ITGB3BP: variants seen among roughly 807,000 people sequenced by gnomAD.
ITGB3BP encodes integrin subunit beta 3 binding protein, also known as centromere protein R.
In ITGB3BP, 27 loss-of-function variants were observed where a neutral mutation model predicts 29.1. That is an observed-to-expected ratio of 0.93 (90% confidence interval 0.68 to 1.28). ITGB3BP has a LOEUF of 1.28. Among genes scored for constraint, ITGB3BP ranks in the 50% most tolerant of loss-of-function variants. The pLI, the probability that ITGB3BP is intolerant of heterozygous loss-of-function variation, is 0.00. For synonymous variants in ITGB3BP, 61 were observed against 61.4 expected, an observed-to-expected ratio of 0.99 and a Z score of 0.03; for missense variants, 192 against 200.2, an observed-to-expected ratio of 0.96 and a Z score of 0.25.
At chr1:63,474,314 G>A in intron 4 of ITGB3BP, among the ~76,000 whole-genome samples, 1 of 147,348 alleles carries the variant, frequency 6.8e-6, no homozygotes. Flanking sequence ...CCATCCGGGA[G>A]GTGAGGGGCG....
intron 8 of ITGB3BP, chr1:63,442,844 A>G (rs1485058592): frequency 6.6e-6 from 1 of 152,194 alleles, no homozygotes; most frequent in Non-Finnish European, 1.5e-5. Context: ...CGCTTTGTTC[A>G]TACTAAGCCT....
At chr1:63,502,366 T>C (rs1263859570) in intron 2 of ITGB3BP, among the ~76,000 whole-genome samples, 1 of 152,106 alleles carries the variant, frequency 6.6e-6, no homozygotes, top group Non-Finnish European at 1.5e-5. Flanking sequence ...TATCTCTGCT[T>C]CCCTCATTAG....
intron 1 of ITGB3BP, among the ~76,000 whole-genome samples, chr1:63,520,277 T>C (rs534254742): frequency 6.6e-6 from 1 of 152,290 alleles, no homozygotes; most frequent in Non-Finnish European, 1.5e-5. Context: ...AGTAACAATC[T>C]AAGGAGCACA....
chr1:63,490,287 A>G, intron 2 of ITGB3BP, 69 bp from the exon 3 acceptor site: 3 of 1,160,942 alleles, frequency 2.6e-6, no homozygotes, highest in East Asian at 2.5e-5. Context: ...ATTATATACC[A>G]TTAAAAAATC....
At chr1:63,505,592 A>C (rs575698012) in intron 2 of ITGB3BP, among the ~76,000 whole-genome samples, 32 of 151,942 alleles carry the variant, frequency 2.1e-4, no homozygotes, top group Admixed American at 1.7e-3. Flanking sequence ...TAGTTCTTTT[A>C]ATTGTGATGT....
At chr1:63,483,365 G>A (rs1645473238) in intron 3 of ITGB3BP, among the ~76,000 whole-genome samples, 1 of 151,742 alleles carries the variant, frequency 6.6e-6, no homozygotes, top group African/African-American at 2.4e-5. Context: ...TTAGCATTTG[G>A]CCCACACCTC....
In ITGB3BP at chr1:63,504,191, A is replaced by G. The variant is rs1271324639; in HGVS notation, c.48+4337T>C. Reference sequence around the variant, plus strand: ...CTTTGTATCCTCTTTTATTTCATTGAGCAGTGGTTTGTAGTTCTCCTTAAA... The same window carrying G: ...CTTTGTATCCTCTTTTATTTCATTGGGCAGTGGTTTGTAGTTCTCCTTAAA... On this transcript the variant is annotated intron_variant, in intron 2 of 8. Transcript: ENST00000271002. 2.6e-5 allele frequency among the ~76,000 whole-genome samples: 4 copies of G among 151,868 alleles called. No individual in the cohort carries two copies. The Middle Eastern group carries it at 0.01, about 387-fold the overall frequency.
intron 4 of ITGB3BP, among the ~76,000 whole-genome samples, chr1:63,455,810 T>C (rs1404515328): frequency 6.6e-6 from 1 of 152,162 alleles, no homozygotes; most frequent in African/African-American, 2.4e-5. Context: ...AAAAATAATG[T>C]AAACCATATA....
At chr1:63,457,971 T>A (rs886499799) in intron 4 of ITGB3BP, 2 of 148,266 alleles carry the variant, frequency 1.3e-5, no homozygotes, top group Non-Finnish European at 1.5e-5. Flanking sequence ...ATCTCGTAGT[T>A]TTTCTCTTGA....
chr1:63,471,461 C>T (rs897440478), intron 4 of ITGB3BP, among the ~76,000 whole-genome samples: 1 of 151,926 alleles, frequency 6.6e-6, no homozygotes, highest in Non-Finnish European at 1.5e-5. Context: ...TTGTGTTAGC[C>T]AGGATGGTCT....
chr1:63,504,341 T>C (rs914220055), intron 2 of ITGB3BP, among the ~76,000 whole-genome samples: 5 of 152,040 alleles, frequency 3.3e-5, no homozygotes, highest in African/African-American at 1.2e-4. Flanking sequence ...AGAATGCTTG[T>C]GATTTTTGTA....
chr1:63,472,791 G>A (rs1424742802), intron 4 of ITGB3BP, among the ~76,000 whole-genome samples: 2 of 151,892 alleles, frequency 1.3e-5, no homozygotes, highest in East Asian at 3.9e-4. Context: ...ATGGTGCCCA[G>A]GCTGGAGTGC....
chr1:63,511,867 T>C (rs942442733), intron 1 of ITGB3BP, among the ~76,000 whole-genome samples: 2 of 152,112 alleles, frequency 1.3e-5, no homozygotes, highest in Non-Finnish European at 1.5e-5. Context: ...ATGGTGGTGA[T>C]GGTTGCACAA....
Position 63,471,204 on chromosome 1 carries a change from C to A in ITGB3BP, c.254+7560G>T, listed in dbSNP as rs1008197287. Reference sequence around the variant, plus strand: ...GACTTTTAAAGCTGTTTAATTTATCCATTTTTTCCCCTTTTATTGTTGGCA... The same window carrying A: ...GACTTTTAAAGCTGTTTAATTTATCAATTTTTTCCCCTTTTATTGTTGGCA... On this transcript the variant is annotated intron_variant, in intron 4 of 8. Transcript: ENST00000271002. Among the ~76,000 whole-genome samples, 7 of 19,870 alleles carry A rather than the reference C, an allele frequency of 3.5e-4. No homozygotes were observed. The Non-Finnish European group carries it at 4.9e-3, about 14-fold the overall frequency. The allele number at this position is 19,870 out of a possible 152,430, so 13.0% of individuals were successfully genotyped here.
At chr1:63,485,002 A>G (rs1645500277) in intron 3 of ITGB3BP, among the ~76,000 whole-genome samples, 1 of 151,980 alleles carries the variant, frequency 6.6e-6, no homozygotes, top group Non-Finnish European at 1.5e-5. Context: ...CATAAAGTCT[A>G]TTTCAGCCTT....
upstream of ITGB3BP, chr1:63,527,831 A>G (rs1316535794): frequency 3.3e-5 from 5 of 152,244 alleles, no homozygotes; most frequent in Non-Finnish European, 5.9e-5. Context: ...TACTAAAGAT[A>G]GCAGCAAGCA....
intron 3 of ITGB3BP, among the ~76,000 whole-genome samples, chr1:63,482,649 A>ATTTTT (rs34619742): frequency 1.5e-5 from 2 of 129,852 alleles, no homozygotes; most frequent in Non-Finnish European, 1.6e-5. Flanking sequence ...AACAATGTTA[A>ATTTTT]TTTTTTTTTT....
chr1:63,454,496 G>A lies in ITGB3BP; in HGVS notation c.334-23C>T. The A allele has an allele frequency of 8.1e-7, 1 of 1,240,170 alleles. No homozygotes were observed. Among genetic ancestry groups the A allele is most frequent in the Non-Finnish European group, 1.2e-6 (1 of 850,176 alleles). The allele number at this position is 1,240,170 out of a possible 1,614,324, so 76.8% of individuals were successfully genotyped here. On this transcript the variant is annotated intron_variant, in intron 5 of 8. Coordinates refer to ENST00000271002, the MANE Select transcript of ITGB3BP (RefSeq NM_014288.5). The surrounding 1 kb of genome is among the most constrained non-coding windows in gnomAD (Gnocchi z 4.1). ...AGCCTACAAGAAAGTCATCTTGAATGAGTTAAGTTCTCTACACACATGAGA... is the reference window on the plus strand; with the variant it reads ...AGCCTACAAGAAAGTCATCTTGAATAAGTTAAGTTCTCTACACACATGAGA...
chr1:63,486,458 C>T (rs916045597), intron 3 of ITGB3BP, among the ~76,000 whole-genome samples: 7 of 151,700 alleles, frequency 4.6e-5, no homozygotes, highest in South Asian at 2.1e-4. Context: ...ATACATATTT[C>T]GTGTGTTATA....
Sources: allele counts gnomAD v4.1 joint callset (sites outside exome capture counted in the v4.1 genomes callset), GRCh38; gene constraint gnomAD v4.1.1; non-coding constraint Gnocchi (gnomAD v3.1); transcripts MANE v1.5; gene names NCBI Gene and HGNC (gene_info 2026-07-23, HGNC 2026-07-21).